Variants in PDCD1LG2 observed in about 807,000 individuals in gnomAD.
PDCD1LG2 encodes the protein B7 dendritic cell molecule.
Under a neutral mutation model 28.2 loss-of-function variants are expected in PDCD1LG2, and 32 were observed. The observed-to-expected ratio is 1.13, with a 90% confidence interval of 0.86 to 1.52. PDCD1LG2 has a LOEUF of 1.52. PDCD1LG2 is among the 40% of genes most tolerant of loss of function. The probability of loss-of-function intolerance (pLI) is 0.00; values close to 1 mark genes in which losing one functional copy is unlikely to be tolerated. For synonymous variants in PDCD1LG2, 116 were observed against 120.2 expected (o/e 0.97, Z 0.23); for missense variants, 385 against 323.8 (o/e 1.19, Z -1.45).
intron 2 of PDCD1LG2, among the ~76,000 whole-genome samples, chr9:5,530,990 C>G (rs888885403): frequency 6.6e-6 from 1 of 152,196 alleles, no homozygotes; most frequent in African/African-American, 2.4e-5. Flanking sequence ...GACGCTTGCA[C>G]GTGCAAATGT....
chr9:5,549,733 A>T, intron 4 of PDCD1LG2, 129 bp downstream of exon 4: 2 of 1,166,138 alleles, frequency 1.7e-6, no homozygotes, highest in South Asian at 1.6e-5. Context: ...CATTTGGAGA[A>T]ACTACAAAGG....
At chr9:5,520,541 T>C (rs924931867) in intron 1 of PDCD1LG2, among the ~76,000 whole-genome samples, 1 of 152,234 alleles carries the variant, frequency 6.6e-6, no homozygotes, top group African/African-American at 2.4e-5. Context: ...TTTATATTTA[T>C]CTTAGCAGAA....
At chr9:5,515,369 A>G (rs1008035152) in intron 1 of PDCD1LG2, among the ~76,000 whole-genome samples, 2 of 152,230 alleles carry the variant, frequency 1.3e-5, no homozygotes, top group Non-Finnish European at 2.9e-5. Flanking sequence ...TCATTCAGCT[A>G]CATAAGTGTT....
chr9:5,557,662 T>G lies in PDCD1LG2; in HGVS notation c.676T>G (p.Phe226Val), dbSNP rs1816472813. ...CCATCCAACTTGGCTGCTTCACATT[T>G]TCATCCCCTTCTGCATCATTGCTTT... The part of the protein sequence containing the change: ...RTHPTWLLHI[F>V]IPFCIIAFIF... Residue 226 changes from phenylalanine to valine, a missense_variant, in exon 5 of 7, where the codon TTC (phenylalanine) becomes GTC (valine). Transcript: ENST00000397747. The G allele has an allele frequency of 6.2e-7, 1 of 1,613,822 alleles. No individual in the cohort carries two copies. The highest frequency in any genetic ancestry group is 1.3e-5 in the African/African-American group (1 of 74,918).
rs773787852 is a variant in PDCD1LG2 at position 5,523,147 on chromosome 9, C to T, written c.55+546C>T. ...TCCTAAAACCCAAATGAACAATGAA[C>T]CTTAAGGCTATCCCTTTGGACTTGA... On this transcript the variant is annotated intron_variant, in intron 2 of 6. Coordinates refer to ENST00000397747, the MANE Select transcript of PDCD1LG2 (RefSeq NM_025239.4). Among the ~76,000 whole-genome samples the T allele has an allele frequency of 1.6e-4, 25 of 152,244 alleles. 1 individual carries two copies. The highest frequency in any genetic ancestry group is 3.4e-3 in the Middle Eastern group (1 of 294).
chr9:5,559,054 G>C (rs911855620), intron 5 of PDCD1LG2, among the ~76,000 whole-genome samples: 1 of 152,150 alleles, frequency 6.6e-6, no homozygotes, highest in Non-Finnish European at 1.5e-5. Context: ...TGGGGCCTGA[G>C]GACTCCTTAA....
At chr9:5,563,423 C>G (rs761988080) in intron 6 of PDCD1LG2, among the ~76,000 whole-genome samples, 2 of 152,192 alleles carry the variant, frequency 1.3e-5, no homozygotes, top group Non-Finnish European at 2.9e-5. Context: ...CTAAGCACTC[C>G]TAGATGATAC....
rs951576169 is a variant in PDCD1LG2 at position 5,555,571 on chromosome 9, C to A, written c.632-2047C>A. ...TGAGAAGCGAGACAGAAGTATCTTT[C>A]GTTCCATGTAACACTCAGGTGGTTC... On this transcript the variant is annotated intron_variant, in intron 4 of 6. Coordinates refer to ENST00000397747, the MANE Select transcript of PDCD1LG2 (RefSeq NM_025239.4). 2.6e-5 allele frequency among the ~76,000 whole-genome samples: 4 copies of A among 152,192 alleles called. No homozygotes were observed. The South Asian group carries it at 8.3e-4, about 32-fold the overall frequency.
At chr9:5,520,989 A>G (rs1820262475) in intron 1 of PDCD1LG2, among the ~76,000 whole-genome samples, 7 of 152,226 alleles carry the variant, frequency 4.6e-5, no homozygotes, top group Admixed American at 4.6e-4. Flanking sequence ...ATGAATGGGT[A>G]AGCAAAATGT....
chr9:5,534,537 A>G (rs996086510), intron 2 of PDCD1LG2, among the ~76,000 whole-genome samples: 1 of 152,168 alleles, frequency 6.6e-6, no homozygotes, highest in African/African-American at 2.4e-5. Context: ...TGTTTGGAGG[A>G]GAGAGCCACC....
At chr9:5,527,982 C>A (rs914975400) in intron 2 of PDCD1LG2, among the ~76,000 whole-genome samples, 2 of 152,030 alleles carry the variant, frequency 1.3e-5, no homozygotes, top group Non-Finnish European at 2.9e-5. Context: ...GCACCCACCA[C>A]CATGCCCTTC....
At chr9:5,568,242 A>G (rs1333755129) in intron 6 of PDCD1LG2, among the ~76,000 whole-genome samples, 2 of 152,162 alleles carry the variant, frequency 1.3e-5, no homozygotes, top group Non-Finnish European at 2.9e-5. Context: ...GGGGTCCCCA[A>G]CCTCTGGGCC....
At chr9:5,544,259 T>C (rs1175989606) in intron 3 of PDCD1LG2, among the ~76,000 whole-genome samples, 1 of 152,096 alleles carries the variant, frequency 6.6e-6, no homozygotes, top group African/African-American at 2.4e-5. Flanking sequence ...AATTCAGAAA[T>C]TAGCAATAGC....
intron 2 of PDCD1LG2, among the ~76,000 whole-genome samples, chr9:5,523,751 G>A (rs960990726): frequency 6.6e-6 from 1 of 152,248 alleles, no homozygotes; most frequent in African/African-American, 2.4e-5. Context: ...TAAGGGAAAT[G>A]AGGGCCAAAA....
chr9:5,534,515 C>T (rs1820542155), intron 2 of PDCD1LG2, among the ~76,000 whole-genome samples: 1 of 152,122 alleles, frequency 6.6e-6, no homozygotes, highest in Non-Finnish European at 1.5e-5. Context: ...CAGTCAGCTG[C>T]ACAGGAGGGA....
chr9:5,545,974 A>C (rs1158098825), intron 3 of PDCD1LG2, among the ~76,000 whole-genome samples: 1 of 152,178 alleles, frequency 6.6e-6, no homozygotes, highest in Non-Finnish European at 1.5e-5. Flanking sequence ...TTTCCTAAGA[A>C]TATCACCCTC....
intron 4 of PDCD1LG2, among the ~76,000 whole-genome samples, chr9:5,553,155 G>A (rs1022300889): frequency 3.9e-5 from 6 of 152,096 alleles, no homozygotes; most frequent in African/African-American, 9.7e-5. Context: ...AGGAGGTAGG[G>A]AGGGGAAAGA....
intron 6 of PDCD1LG2, among the ~76,000 whole-genome samples, chr9:5,565,640 C>A (rs771004680): frequency 5.9e-5 from 9 of 152,138 alleles, no homozygotes; most frequent in African/African-American, 2.2e-4. Flanking sequence ...TATTTTAGGT[C>A]CACCTGGTCA....
intron 2 of PDCD1LG2, 38 bp downstream of exon 2, chr9:5,522,639 G>A (rs1225839645): frequency 1.9e-6 from 3 of 1,601,138 alleles, no homozygotes; most frequent in Non-Finnish European, 2.6e-6. Context: ...AGAAAGAAGA[G>A]CAGGTGGTGG....
Sources: allele counts gnomAD v4.1 joint callset (sites outside exome capture counted in the v4.1 genomes callset), GRCh38; gene constraint gnomAD v4.1.1; transcripts MANE v1.5; gene names NCBI Gene and HGNC (gene_info 2026-07-23, HGNC 2026-07-21).